The following CHAF1A variants were observed in gnomAD, a reference collection of about 807,000 sequenced individuals.
CHAF1A encodes CAF-1 subunit A.
In CHAF1A, 5 loss-of-function variants were observed where a neutral mutation model predicts 93.2. That is an observed-to-expected ratio of 0.05 (90% confidence interval 0.03 to 0.11). The LOEUF is 0.11. Among genes scored for constraint, CHAF1A ranks in the 10% least tolerant of loss-of-function variants. The pLI, the probability that CHAF1A is intolerant of heterozygous loss-of-function variation, is 1.00. For synonymous variants in CHAF1A, 504 were observed against 510.3 expected (o/e 0.99, Z 0.17); for missense variants, 1,102 against 1,259.9 (o/e 0.87, Z 1.90).
At chr19:4,445,824 G>T, downstream of CHAF1A, 1 of 1,036,348 alleles carries the variant, frequency 9.6e-7, no homozygotes, top group Non-Finnish European at 1.4e-6. Context: ...ACTAGCTAAC[G>T]CACGTCACCG....
In CHAF1A at chr19:4,428,855, G is replaced by T. The variant is rs758799950; in HGVS notation, c.1569G>T (p.Thr523=). 8 of 1,613,822 alleles carry T rather than the reference G, an allele frequency of 5.0e-6. No homozygotes were observed. Among genetic ancestry groups the T allele is most frequent in the Non-Finnish European group, 5.1e-6 (6 of 1,180,014 alleles). ...KGRQPLRSGP[T]HVSTRNADIF... is the part of the protein sequence containing the mutation. The stretch of plus-strand genomic sequence containing the variant: ...GGCAGCCCCTGAGGTCCGGACCCAC[G>T]CACGTTTCCACCCGGAATGCAGATA... Residue 523 remains threonine, a synonymous_variant, in exon 8 of 15, where the codon ACG becomes ACT. Transcript: ENST00000301280.
chr19:4,413,174 C>A (rs1973838545), intron 3 of CHAF1A, among the ~76,000 whole-genome samples: 1 of 152,102 alleles, frequency 6.6e-6, no homozygotes, highest in Non-Finnish European at 1.5e-5. Context: ...TGGGTTCAAG[C>A]AATTCTCCTG....
chr19:4,408,761 A>G (rs1973732722), intron 2 of CHAF1A, 142 bp from the exon 3 acceptor site: 1 of 1,080,340 alleles, frequency 9.3e-7, no homozygotes, highest in South Asian at 1.6e-5. Context: ...GGCATGAGCC[A>G]CCACACCCGG....
In CHAF1A at chr19:4,436,373, G is replaced by A. The variant is rs371102840; in HGVS notation, c.2673+2834G>A. On this transcript the variant is annotated intron_variant, in intron 13 of 14. Coordinates refer to ENST00000301280, the MANE Select transcript of CHAF1A (RefSeq NM_005483.3). ...CCTAGAGCCTCTGTCCCTGTACAGT[G>A]TGTCATGTGCATAGTTCCCCTGGCT... Among the ~76,000 whole-genome samples, 34 of 152,316 alleles carry A rather than the reference G, an allele frequency of 2.2e-4. No individual in the cohort carries two copies. In the South Asian group the frequency reaches 5.4e-3, roughly 24 times the overall value.
Position 4,422,008 on chromosome 19 carries a change from ATTTTTT to A in CHAF1A, c.1018-546_1018-541del, listed in dbSNP as rs765787830. 2.9e-5 allele frequency among the ~76,000 whole-genome samples: 4 copies of A among 138,280 alleles called. No homozygotes were observed. The highest frequency in any genetic ancestry group is 1.1e-4 in the African/African-American group (4 of 37,658). 90.7% of individuals were successfully genotyped at this position (138,280 alleles called of 152,430 possible). A position where few individuals can be genotyped will look rare whatever the true frequency, so the allele number is the denominator to read the frequency against. ...GGGTACCCTCCACCACGCCTGGCTA[ATTTTTT>A]TTTTTTTTTTTATTAAATGGAGTCT... On this transcript the variant is annotated intron_variant, in intron 4 of 14. Coordinates refer to ENST00000301280, the MANE Select transcript of CHAF1A (RefSeq NM_005483.3). This position sits in a 1 kb window ranked among gnomAD's most constrained non-coding sequence, Gnocchi z 4.6.
chr19:4,432,989 T>C (rs1974214761), intron 12 of CHAF1A, 81 bp from the exon 13 acceptor site: 1 of 1,153,268 alleles, frequency 8.7e-7, no homozygotes, highest in African/African-American at 1.6e-5. Context: ...GGCAATGAGC[T>C]TGTGTATGTG....
At chr19:4,446,949 G>A (rs770668271), downstream of CHAF1A, 4 of 1,608,794 alleles carry the variant, frequency 2.5e-6, no homozygotes, top group African/African-American at 2.7e-5. Context: ...GTCACTGGGG[G>A]CCCCTGGCTT....
intron 3 of CHAF1A, among the ~76,000 whole-genome samples, chr19:4,415,693 C>T (rs952825339): frequency 1.3e-5 from 2 of 152,106 alleles, no homozygotes; most frequent in African/African-American, 4.8e-5. Flanking sequence ...CTGGCCTGAT[C>T]TCGGTGGTGA....
chr19:4,416,618 C>T (rs550025935), intron 3 of CHAF1A, among the ~76,000 whole-genome samples: 3 of 150,538 alleles, frequency 2.0e-5, no homozygotes, highest in Non-Finnish European at 3.0e-5. Context: ...TGGCTGGGCG[C>T]GGTGGCTCAC....
chr19:4,433,328 A>G lies in CHAF1A; in HGVS notation c.2462A>G (p.His821Arg), dbSNP rs755461797. 3 of 1,613,748 alleles carry G rather than the reference A, an allele frequency of 1.9e-6. No individual in the cohort carries two copies. Among genetic ancestry groups the G allele is most frequent in the Non-Finnish European group, 2.5e-6 (3 of 1,179,872 alleles). Residue 821 changes from histidine (H) to arginine (R), a missense_variant, in exon 13 of 15, where the codon CAC becomes CGC. This residue lies in a region of CHAF1A where 76 missense variants were observed against 129.8 expected (regional missense o/e 0.59). Coordinates refer to ENST00000301280, the MANE Select transcript of CHAF1A (RefSeq NM_005483.3). The surrounding 1 kb of genome is among the most constrained non-coding windows in gnomAD (Gnocchi z 5.6). Reference sequence around the variant, plus strand: ...GACTTCAGGATGTGCTGGTACGTGCACCCGCAGGTGCTACAGAGCTTCCAG... The same window carrying G: ...GACTTCAGGATGTGCTGGTACGTGCGCCCGCAGGTGCTACAGAGCTTCCAG... Reference protein sequence around the residue: ...RPDFRMCWYVHPQVLQSFQQE... With the variant: ...RPDFRMCWYVRPQVLQSFQQE...
chr19:4,426,127 G>A lies in CHAF1A; in HGVS notation c.1377+2253G>A, dbSNP rs911572606. On this transcript the variant is annotated intron_variant, in intron 7 of 14. Transcript: ENST00000301280. ...AACATAGTCTAGTATTTCATTCTCC[G>A]TGATATTTCGTCTCAGCCTGTTACC... 5.5e-5 allele frequency among the ~76,000 whole-genome samples: 8 copies of A among 144,908 alleles called. No individual in the cohort carries two copies. The East Asian group carries it at 6.0e-4, about 11-fold the overall frequency.
intron 11 of CHAF1A, 143 bp downstream of exon 11, chr19:4,430,784 C>T (rs925101008): frequency 2.3e-4 from 183 of 795,872 alleles, no homozygotes; most frequent in Non-Finnish European, 3.3e-4. Flanking sequence ...CAAGCTCACT[C>T]GTGGGAACAG....
rs778100682 is a variant in CHAF1A, at chr19:4,408,461, C to CTTTTTTTTTTTTTTTTTTTTTTTTTT, written c.104-437_104-412dup. Among the ~76,000 whole-genome samples the CTTTTTTTTTTTTTTTTTTTTTTTTTT allele has an allele frequency of 3.6e-4, 13 of 36,020 alleles. 5 individuals are homozygous for CTTTTTTTTTTTTTTTTTTTTTTTTTT. The highest frequency in any genetic ancestry group is 0.021 in the Middle Eastern group (1 of 48). 23.6% of individuals were successfully genotyped at this position (36,020 alleles called of 152,430 possible). On this transcript the variant is annotated intron_variant, in intron 2 of 14. Coordinates refer to ENST00000301280, the MANE Select transcript of CHAF1A (RefSeq NM_005483.3). ...CCTGCCTTGGCCTCCCGCACCCGGC[C>CTTTTTTTTTTTTTTTTTTTTTTTTTT]TTTTTTTTTTTTTTTTTTTTTTTTT...
At chr19:4,406,070 C>G in intron 2 of CHAF1A, 108 bp downstream of exon 2, 1 of 869,756 alleles carries the variant, frequency 1.1e-6, no homozygotes, top group Non-Finnish European at 1.9e-6. Context: ...AGAAACAGTC[C>G]TTCTTCAGAC....
At chr19:4,446,552 C>T, downstream of CHAF1A, 2 of 1,612,448 alleles carry the variant, frequency 1.2e-6, no homozygotes, top group Non-Finnish European at 8.5e-7. Context: ...AAGAAGTCCC[C>T]AGGCAGTTCG....
chr19:4,445,616 G>A (rs1273993942), downstream of CHAF1A: 3 of 1,612,964 alleles, frequency 1.9e-6, no homozygotes, highest in Non-Finnish European at 2.5e-6. Context: ...CAGGAGGGCA[G>A]AGGGCACCTG....
intron 3 of CHAF1A, 41 bp downstream of exon 3, chr19:4,409,800 G>T: frequency 6.4e-7 from 1 of 1,554,636 alleles, no homozygotes; most frequent in Non-Finnish European, 8.7e-7. Flanking sequence ...CAGTGCTCAC[G>T]GATCTCAGAG....
chr19:4,402,818 G>A lies in CHAF1A; in HGVS notation c.52+4G>A. ...GGCGCCAGGGGAGCCGCCACAGGTC[G>A]GTTCGGGCCCGCGCCGAGGGGAAGG... On this transcript the variant is annotated splice_donor_region_variant and intron_variant, in intron 1 of 14. Transcript: ENST00000301280. The A allele has an allele frequency of 8.3e-7, 1 of 1,202,824 alleles. No individual in the cohort carries two copies. The highest frequency in any genetic ancestry group is 4.1e-5 in the South Asian group (1 of 24,100). The allele number at this position is 1,202,824 out of a possible 1,614,324, so 74.5% of individuals were successfully genotyped here.
At chr19:4,420,345 C>T (rs1973969681) in intron 4 of CHAF1A, among the ~76,000 whole-genome samples, 1 of 151,992 alleles carries the variant, frequency 6.6e-6, no homozygotes, top group Non-Finnish European at 1.5e-5. Context: ...CAGGTTCGAG[C>T]GATTCTCCTG....
Sources: gnomAD v4.1 joint callset for allele counts (sites outside exome capture counted in the v4.1 genomes callset) on GRCh38, gnomAD v4.1.1 for gene constraint, gnomAD v4.1.1 regional missense constraint, Gnocchi (gnomAD v3.1) non-coding constraint, MANE v1.5 for transcripts, NCBI Gene and HGNC (gene_info 2026-07-23, HGNC 2026-07-21) for gene names.